Variants in SNX25 observed in about 807,000 individuals in gnomAD.
SNX25 encodes sorting nexin 25, also known as sorting nexin-25.
A neutral mutation model predicts 113.7 loss-of-function variants in SNX25; 62 were observed. The ratio of observed to expected loss-of-function variants is 0.55; its 90% CI spans 0.44 to 0.67. The LOEUF (loss-of-function observed/expected upper bound fraction) is 0.67, where lower values mean the gene tolerates loss of function less well. Ranked by LOEUF, SNX25 falls within the 30% of genes least tolerant of loss-of-function variation. The probability of loss-of-function intolerance (pLI) is 0.00; values close to 1 mark genes in which losing one functional copy is unlikely to be tolerated. For missense variants in SNX25, 1,014 were observed against 1,161.0 expected (o/e 0.87, Z 1.84); for synonymous variants, 421 against 436.2 (o/e 0.97, Z 0.43).
At chr4:185,311,039 G>A (rs181345864) in intron 7 of SNX25, among the ~76,000 whole-genome samples, 1 of 152,116 alleles carries the variant, frequency 6.6e-6, no homozygotes, top group Non-Finnish European at 1.5e-5. Context: ...GCATGTGTGT[G>A]TGCGTGTGTG....
chr4:185,204,729 G>A (rs1737112105), upstream of SNX25, among the ~76,000 whole-genome samples: 1 of 152,216 alleles, frequency 6.6e-6, no homozygotes, highest in Non-Finnish European at 1.5e-5. Context: ...ATGGAGACAA[G>A]AAGTTCAAAG....
chr4:185,213,358 CAGAT>C (rs1221638960), intron 1 of SNX25, among the ~76,000 whole-genome samples: 3 of 152,174 alleles, frequency 2.0e-5, no homozygotes, highest in Non-Finnish European at 4.4e-5. Flanking sequence ...ATTTTCATCT[CAGAT>C]AGAAACTTCA....
chr4:185,270,335 C>G (rs1748745138), intron 5 of SNX25, among the ~76,000 whole-genome samples: 1 of 152,178 alleles, frequency 6.6e-6, no homozygotes, highest in Non-Finnish European at 1.5e-5. Flanking sequence ...CCTTTCCCTG[C>G]TACTATGTGA....
intron 12 of SNX25, among the ~76,000 whole-genome samples, 170 bp downstream of exon 12, chr4:185,342,286 C>T (rs1356960390): frequency 2.6e-5 from 4 of 152,182 alleles, no homozygotes; most frequent in East Asian, 3.8e-4. Flanking sequence ...TCTAGTCTAG[C>T]CTAAGTCCAT....
Position 185,323,736 on chromosome 4 carries a change from A to G in SNX25, c.1685A>G (p.Glu562Gly). 3 of 1,613,762 alleles carry G rather than the reference A, an allele frequency of 1.9e-6. No homozygotes were observed. The highest frequency in any genetic ancestry group is 2.5e-6 in the Non-Finnish European group (3 of 1,179,858). Residue 562 changes from glutamate to glycine, a missense_variant, in exon 9 of 19, where the codon GAG becomes GGG. Physicochemically the swap from Glu to Gly is moderately conservative, Grantham distance 98. Coordinates refer to ENST00000652585, the MANE Select transcript of SNX25 (RefSeq NM_001378034.2). ...TCATTTATTGTCAGTGACCTGTATG[A>G]GAAATTGTTGATAAAAGAGGAAGAA... The part of the protein sequence containing the change: ...YPSFIVSDLY[E>G]KLLIKEEEKH...
At chr4:185,356,765 G>A (rs1195904033) in intron 15 of SNX25, among the ~76,000 whole-genome samples, 2 of 152,132 alleles carry the variant, frequency 1.3e-5, no homozygotes, top group Admixed American at 1.3e-4. Context: ...TTATGACTGA[G>A]TCTGAATTTC....
chr4:185,297,388 A>C (rs1165372579), intron 6 of SNX25, among the ~76,000 whole-genome samples: 3 of 152,124 alleles, frequency 2.0e-5, no homozygotes, highest in Admixed American at 6.6e-5. Flanking sequence ...GAAGACTCCA[A>C]ATTTCTGTCT....
chr4:185,377,913 G>C, the SNX25 span: 2 of 592,246 alleles, frequency 3.4e-6, no homozygotes, highest in African/African-American at 1.9e-5. Flanking sequence ...TTTGCTACCA[G>C]ATAAATGAGC....
At chr4:185,316,938 G>C (rs1467535642) in intron 7 of SNX25, among the ~76,000 whole-genome samples, 1 of 152,142 alleles carries the variant, frequency 6.6e-6, no homozygotes, top group Non-Finnish European at 1.5e-5. Context: ...AAATATTATT[G>C]GTCTGAAATA....
At chr4:185,212,491 G>GTGTGTGTGTTTTTGT (rs546083196) in intron 1 of SNX25, among the ~76,000 whole-genome samples, 10 of 104,938 alleles carry the variant, frequency 9.5e-5, no homozygotes, top group South Asian at 6.2e-4. Context: ...GTGTGTGTGT[G>GTGTGTGTGTTTTTGT]TTTTTTTTTT....
chr4:185,253,111 C>CTCAAA (rs2126504000), intron 2 of SNX25, among the ~76,000 whole-genome samples: 1 of 152,260 alleles, frequency 6.6e-6, no homozygotes, highest in Admixed American at 6.5e-5. Flanking sequence ...ACTATTAAAT[C>CTCAAA]TCAATAGATC....
chr4:185,323,512 C>T lies in SNX25; in HGVS notation c.1477-16C>T. 6.3e-7 allele frequency: 1 copy of T among 1,599,148 alleles called. No homozygotes were observed. The highest frequency in any genetic ancestry group is 8.5e-7 in the Non-Finnish European group (1 of 1,174,510). On this transcript the variant is annotated splice_polypyrimidine_tract_variant and intron_variant, in intron 8 of 18. Coordinates refer to ENST00000652585, the MANE Select transcript of SNX25 (RefSeq NM_001378034.2). ...GATGATATGTCTTACTTTTCCTTAT[C>T]TTCCTGTCTTTTCAGAATGAAATTC... is the stretch of plus-strand genomic sequence containing the variant.
exon 12 of SNX25, chr4:185,369,972 T>C (rs2095409575): frequency 4.0e-6 from 1 of 248,308 alleles, no homozygotes; most frequent in Admixed American, 5.5e-5. Context: ...CCAAGTCTGC[T>C]ATGATGTAAT....
intron 1 of SNX25, among the ~76,000 whole-genome samples, chr4:185,242,647 G>A (rs569369652): frequency 3.2e-4 from 49 of 152,292 alleles, no homozygotes; most frequent in Non-Finnish European, 4.9e-4. Flanking sequence ...CACATGTTCA[G>A]CTGTCCCGAA....
chr4:185,239,209 C>T (rs111505574), intron 1 of SNX25, among the ~76,000 whole-genome samples: 1,790 of 152,102 alleles, frequency 0.012, 25 homozygotes, highest in South Asian at 0.079. Context: ...CTGCCAGGCG[C>T]GGTGGCTCAC....
chr4:185,272,325 T>C (rs1749052592), intron 5 of SNX25, among the ~76,000 whole-genome samples: 1 of 152,148 alleles, frequency 6.6e-6, no homozygotes, highest in South Asian at 2.1e-4. Flanking sequence ...AACTAGAGAA[T>C]AGACTGAGTG....
chr4:185,315,094 G>C (rs1186543991), intron 7 of SNX25, among the ~76,000 whole-genome samples: 3 of 150,766 alleles, frequency 2.0e-5, no homozygotes, highest in Non-Finnish European at 3.0e-5. Context: ...CGGGCGCGGT[G>C]GTGGGCGCCT....
chr4:185,286,851 A>G (rs1560970419), intron 5 of SNX25, among the ~76,000 whole-genome samples: 1 of 152,158 alleles, frequency 6.6e-6, no homozygotes, highest in Non-Finnish European at 1.5e-5. Context: ...TAAGGTGCAA[A>G]TTTGTGAGGA....
At chr4:185,323,389 AAT>A (rs1579788668) in intron 8 of SNX25, 137 bp from the exon 9 acceptor site, 1 of 734,770 alleles carries the variant, frequency 1.4e-6, no homozygotes, top group Non-Finnish European at 2.2e-6. Context: ...CTTGACCCTG[AAT>A]ATGGACACAA....
Sources: allele counts gnomAD v4.1 joint callset (sites outside exome capture counted in the v4.1 genomes callset), GRCh38; gene constraint gnomAD v4.1.1; transcripts MANE v1.5; gene names NCBI Gene and HGNC (gene_info 2026-07-23, HGNC 2026-07-21).